CADPS2: variants seen among roughly 807,000 people sequenced by gnomAD.
CADPS2 encodes the protein calcium dependent secretion activator 2.
A neutral mutation model predicts 172.5 loss-of-function variants in CADPS2; 93 were observed. That is an observed-to-expected ratio of 0.54 (90% CI 0.46 to 0.64). The LOEUF is 0.64. Among genes scored for constraint, CADPS2 ranks in the 30% least tolerant of loss-of-function variants. The probability of loss-of-function intolerance (pLI) is 0.00; values close to 1 mark genes in which losing one functional copy is unlikely to be tolerated. For synonymous variants in CADPS2, 546 were observed against 555.2 expected, an observed-to-expected ratio of 0.98 and a Z score of 0.23; for missense variants, 1,420 against 1,565.9, an observed-to-expected ratio of 0.91 and a Z score of 1.57.
At chr7:122,814,810 T>C (rs1401416126) in intron 1 of CADPS2, among the ~76,000 whole-genome samples, 1 of 152,156 alleles carries the variant, frequency 6.6e-6, no homozygotes, top group Non-Finnish European at 1.5e-5. Context: ...TTCGCTATTT[T>C]ATTGAGAAGA....
chr7:122,367,602 C>T (rs115900423), intron 25 of CADPS2, among the ~76,000 whole-genome samples: 1,505 of 139,232 alleles, frequency 0.011, 24 homozygotes, highest in African/African-American at 0.039. Context: ...TGGAGTGCAA[C>T]GGCGTGATCT....
chr7:122,811,319 G>A (rs1452064112), intron 1 of CADPS2, among the ~76,000 whole-genome samples: 1 of 152,114 alleles, frequency 6.6e-6, no homozygotes, highest in Non-Finnish European at 1.5e-5. Flanking sequence ...AGTTAATCTG[G>A]AGGGGTGATT....
At chr7:122,605,349 T>A (rs1015196523) in intron 6 of CADPS2, among the ~76,000 whole-genome samples, 1 of 152,134 alleles carries the variant, frequency 6.6e-6, no homozygotes, top group African/African-American at 2.4e-5. Context: ...GGCTATGATG[T>A]CACTAAGAGA....
chr7:122,652,996 A>G (rs573542451), intron 3 of CADPS2, among the ~76,000 whole-genome samples: 1 of 152,154 alleles, frequency 6.6e-6, no homozygotes, highest in African/African-American at 2.4e-5. Flanking sequence ...TTCAGAAGAG[A>G]GTTTCCTGTT....
intron 2 of CADPS2, among the ~76,000 whole-genome samples, chr7:122,722,524 T>G (rs2090557073): frequency 2.0e-5 from 3 of 151,632 alleles, no homozygotes; most frequent in Admixed American, 1.3e-4. Context: ...TACAAACCGC[T>G]GCTCAACGAA....
At chr7:122,878,791 G>T (rs185554539) in intron 1 of CADPS2, among the ~76,000 whole-genome samples, 3 of 151,902 alleles carry the variant, frequency 2.0e-5, no homozygotes, top group Admixed American at 2.0e-4. Flanking sequence ...AGCCCACAAG[G>T]GGATTATTTG....
chr7:122,556,541 CT>C (rs2065050618), intron 7 of CADPS2, among the ~76,000 whole-genome samples: 1 of 152,236 alleles, frequency 6.6e-6, no homozygotes, highest in Admixed American at 6.6e-5. Flanking sequence ...TAAATTAAAA[CT>C]TTTGACAATT....
At chr7:122,339,187 G>A (rs2036384061) in intron 28 of CADPS2, among the ~76,000 whole-genome samples, 1 of 152,092 alleles carries the variant, frequency 6.6e-6, no homozygotes, top group African/African-American at 2.4e-5. Context: ...CAAAGAAACT[G>A]GCTCAAATAA....
intron 8 of CADPS2, among the ~76,000 whole-genome samples, chr7:122,549,664 T>C (rs1276970312): frequency 6.6e-6 from 1 of 151,744 alleles, no homozygotes; most frequent in Non-Finnish European, 1.5e-5. Flanking sequence ...ATTATTATTA[T>C]AGTTCAAGGG....
intron 1 of CADPS2, among the ~76,000 whole-genome samples, chr7:122,880,692 T>G (rs573617372): frequency 6.6e-6 from 1 of 152,324 alleles, no homozygotes; most frequent in South Asian, 2.1e-4. Context: ...TGAGATTGTT[T>G]TTAAAGCTCT....
chr7:122,513,200 T>G (rs778860482), intron 9 of CADPS2, 49 bp downstream of exon 9: 1 of 1,310,646 alleles, frequency 7.6e-7, no homozygotes, highest in Admixed American at 2.1e-5. Flanking sequence ...AAACAAATTT[T>G]GAGAACTGCT....
intron 8 of CADPS2, among the ~76,000 whole-genome samples, chr7:122,535,737 T>C (rs1408903143): frequency 1.3e-5 from 2 of 152,024 alleles, no homozygotes; most frequent in Non-Finnish European, 2.9e-5. Context: ...TAAAGCCTAA[T>C]GGCAAGAGTT....
intron 7 of CADPS2, among the ~76,000 whole-genome samples, chr7:122,561,886 T>G (rs547569707): frequency 4.5e-4 from 69 of 152,258 alleles, no homozygotes; most frequent in South Asian, 1.0e-3. Flanking sequence ...AAGTATTTGT[T>G]GGTTGGATGA....
chr7:122,833,306 T>C (rs982021503), intron 1 of CADPS2, among the ~76,000 whole-genome samples: 6 of 152,238 alleles, frequency 3.9e-5, no homozygotes, highest in African/African-American at 1.2e-4. Flanking sequence ...TGTAAATCAA[T>C]TCAAGAAAGA....
chr7:122,385,904 A>T (rs1338012801), intron 24 of CADPS2, among the ~76,000 whole-genome samples: 1 of 152,052 alleles, frequency 6.6e-6, no homozygotes, highest in Non-Finnish European at 1.5e-5. Flanking sequence ...TTGGTATTAA[A>T]AGTATACTGT....
chr7:122,401,802 CTT>C (rs934279945), intron 20 of CADPS2, among the ~76,000 whole-genome samples: 2 of 152,040 alleles, frequency 1.3e-5, no homozygotes, highest in Non-Finnish European at 1.5e-5. Context: ...TGGAGGCTGA[CTT>C]TGTTTTCATC....
intron 14 of CADPS2, among the ~76,000 whole-genome samples, chr7:122,459,787 T>C (rs945392887): frequency 6.6e-6 from 1 of 152,216 alleles, no homozygotes; most frequent in Admixed American, 6.5e-5. Context: ...TCAATCAATA[T>C]TTATGGACCA....
chr7:122,673,908 G>GGGGGGT (rs1055373597), intron 2 of CADPS2, among the ~76,000 whole-genome samples: 1 of 152,018 alleles, frequency 6.6e-6, no homozygotes, highest in South Asian at 2.1e-4. Context: ...AGCCCACGGC[G>GGGGGGT]GGGGGTGGGG....
At chr7:122,880,683 G>A (rs139638234) in intron 1 of CADPS2, among the ~76,000 whole-genome samples, 1 of 152,288 alleles carries the variant, frequency 6.6e-6, no homozygotes, top group African/African-American at 2.4e-5. Context: ...CCTGGATAAT[G>A]AGATTGTTTT....
Sources: allele counts gnomAD v4.1 joint callset (sites outside exome capture counted in the v4.1 genomes callset), GRCh38; gene constraint gnomAD v4.1.1; transcripts MANE v1.5; gene names NCBI Gene and HGNC (gene_info 2026-07-23, HGNC 2026-07-21).